NTN4: variants seen among roughly 807,000 people sequenced by gnomAD.
NTN4 encodes netrin-4.
Under a neutral mutation model 73.6 loss-of-function variants are expected in NTN4, and 32 were observed. The observed-to-expected ratio is 0.44, with a 90% CI of 0.33 to 0.58. NTN4 has a LOEUF of 0.58. NTN4 is among the 20% of genes least tolerant of loss of function. The pLI, the probability that NTN4 is intolerant of heterozygous loss-of-function variation, is 0.04. For synonymous variants in NTN4, 258 were observed against 287.5 expected (o/e 0.90, Z 1.04); for missense variants, 654 against 798.3 (o/e 0.82, Z 2.18).
intron 2 of NTN4, among the ~76,000 whole-genome samples, chr12:95,757,873 T>C (rs1373585022): frequency 6.6e-6 from 1 of 152,066 alleles, no homozygotes; most frequent in Non-Finnish European, 1.5e-5. Context: ...AGAAGACTAT[T>C]GAGAGCTTAG....
intron 7 of NTN4, 30 bp from the exon 8 acceptor site, chr12:95,670,176 G>C: frequency 9.7e-7 from 1 of 1,033,476 alleles, no homozygotes; most frequent in Non-Finnish European, 1.4e-6. Context: ...AATGGTGTTA[G>C]TTATTAGAAA....
chr12:95,755,045 A>G (rs762234231), intron 2 of NTN4, among the ~76,000 whole-genome samples: 29 of 152,334 alleles, frequency 1.9e-4, no homozygotes, highest in Admixed American at 4.6e-4. Flanking sequence ...GTAGAAATAG[A>G]CACATTTGTC....
intron 3 of NTN4, among the ~76,000 whole-genome samples, chr12:95,719,171 GA>G (rs2078628377): frequency 6.6e-6 from 1 of 152,142 alleles, no homozygotes; most frequent in Non-Finnish European, 1.5e-5. Flanking sequence ...AAAGTACACA[GA>G]AATCTTTGAA....
intron 2 of NTN4, among the ~76,000 whole-genome samples, chr12:95,750,766 G>C (rs1395114752): frequency 5.9e-5 from 9 of 152,042 alleles, no homozygotes; most frequent in Admixed American, 3.3e-4. Flanking sequence ...TCCTCCCCAG[G>C]CTGCTCCTCG....
At chr12:95,771,698 A>G (rs1053507336) in intron 2 of NTN4, among the ~76,000 whole-genome samples, 9 of 152,190 alleles carry the variant, frequency 5.9e-5, no homozygotes, top group Non-Finnish European at 2.9e-5. Context: ...GATAATTTCA[A>G]CATGAATGGA....
intron 5 of NTN4, among the ~76,000 whole-genome samples, chr12:95,691,780 G>A (rs959883204): frequency 2.0e-5 from 3 of 152,030 alleles, no homozygotes; most frequent in Non-Finnish European, 2.9e-5. Flanking sequence ...AATTTTTAGT[G>A]TTCACAGCTG....
intron 3 of NTN4, among the ~76,000 whole-genome samples, chr12:95,723,450 T>C (rs781219197): frequency 7.2e-5 from 11 of 152,214 alleles, no homozygotes; most frequent in Non-Finnish European, 1.5e-4. Context: ...CAGTTGTGTC[T>C]GGTAGAATGC....
At chr12:95,705,062 A>G (rs1381885947) in intron 5 of NTN4, among the ~76,000 whole-genome samples, 1 of 152,240 alleles carries the variant, frequency 6.6e-6, no homozygotes, top group Non-Finnish European at 1.5e-5. Flanking sequence ...CAAGTTTTTC[A>G]GTAGCCAGAT....
intron 2 of NTN4, among the ~76,000 whole-genome samples, chr12:95,740,602 G>T (rs1165736676): frequency 6.6e-6 from 1 of 152,040 alleles, no homozygotes; most frequent in Non-Finnish European, 1.5e-5. Context: ...TTATGTTTTG[G>T]TGGTTAATAT....
chr12:95,665,572 A>C, intron 9 of NTN4: 2 of 322,112 alleles, frequency 6.2e-6, no homozygotes, highest in South Asian at 1.9e-4. Context: ...CTCTTTTAGG[A>C]TAGAGAGTAT....
intron 3 of NTN4, among the ~76,000 whole-genome samples, chr12:95,727,665 T>G (rs1256515976): frequency 6.6e-6 from 1 of 152,230 alleles, no homozygotes; most frequent in African/African-American, 2.4e-5. Context: ...TATATGCCTA[T>G]CCTTTGGCCA....
intron 3 of NTN4, among the ~76,000 whole-genome samples, chr12:95,736,271 T>A (rs550717438): frequency 6.6e-6 from 1 of 152,068 alleles, no homozygotes. Flanking sequence ...TTGAGAACTC[T>A]GGCACTTTGT....
At chr12:95,765,627 G>A (rs1160290490) in intron 2 of NTN4, among the ~76,000 whole-genome samples, 1 of 152,166 alleles carries the variant, frequency 6.6e-6, no homozygotes, top group Non-Finnish European at 1.5e-5. Flanking sequence ...CATATCCTTG[G>A]AGCCTCGGAA....
chr12:95,667,441 C>T (rs1011227087), intron 8 of NTN4, among the ~76,000 whole-genome samples: 1 of 152,020 alleles, frequency 6.6e-6, no homozygotes, highest in African/African-American at 2.4e-5. Flanking sequence ...AGCACTCTAT[C>T]TTGGCTGGTC....
intron 2 of NTN4, among the ~76,000 whole-genome samples, chr12:95,755,194 G>A (rs907649951): frequency 6.6e-6 from 1 of 152,144 alleles, no homozygotes; most frequent in Non-Finnish European, 1.5e-5. Flanking sequence ...CAATTGACTC[G>A]TGAAACCAAT....
intron 7 of NTN4, among the ~76,000 whole-genome samples, chr12:95,671,379 G>A (rs942870457): frequency 6.6e-6 from 1 of 152,090 alleles, no homozygotes; most frequent in African/African-American, 2.4e-5. Flanking sequence ...TAGGAACCGG[G>A]TCACACAGCA....
chr12:95,788,696 C>G (rs983971513), intron 1 of NTN4, among the ~76,000 whole-genome samples: 2 of 152,212 alleles, frequency 1.3e-5, no homozygotes, highest in Admixed American at 1.3e-4. Context: ...CCCCACGAAG[C>G]CTTGCAACTA....
chr12:95,668,165 A>C (rs1247064966), intron 8 of NTN4, among the ~76,000 whole-genome samples: 2 of 146,260 alleles, frequency 1.4e-5, no homozygotes, highest in Non-Finnish European at 3.0e-5. Context: ...TTTTTCTATT[A>C]AGCCAGGGAA....
intron 2 of NTN4, among the ~76,000 whole-genome samples, chr12:95,754,595 A>G (rs2078934871): frequency 6.6e-6 from 1 of 152,046 alleles, no homozygotes; most frequent in South Asian, 2.1e-4. Context: ...ACATTCCACC[A>G]TTGTCATTTG....
Sources: gnomAD v4.1 joint callset for allele counts (sites outside exome capture counted in the v4.1 genomes callset) on GRCh38, gnomAD v4.1.1 for gene constraint, MANE v1.5 for transcripts, NCBI Gene and HGNC (gene_info 2026-07-23, HGNC 2026-07-21) for gene names.